CA6: variants seen among roughly 807,000 people sequenced by gnomAD.
CA6 encodes carbonic anhydrase 6.
Under a neutral mutation model 35.9 loss-of-function variants are expected in CA6, and 28 were observed. That is an observed-to-expected ratio of 0.78 (90% confidence interval 0.58 to 1.07). The LOEUF is 1.07. Among genes scored for constraint, CA6 ranks in the 50% least tolerant of loss-of-function variants. CA6 has a pLI of 0.00. For synonymous variants in CA6, 148 were observed against 152.6 expected (o/e 0.97, Z 0.22); for missense variants, 377 against 382.0 (o/e 0.99, Z 0.11).
At chr1:8,947,040 G>A (rs1009795892) in intron 1 of CA6, among the ~76,000 whole-genome samples, 2 of 151,986 alleles carry the variant, frequency 1.3e-5, no homozygotes, top group African/African-American at 2.4e-5. Flanking sequence ...CTGACCTCAA[G>A]TGATCCGCCC....
intron 4 of CA6, among the ~76,000 whole-genome samples, chr1:8,960,909 C>A (rs750506241): frequency 1.8e-4 from 28 of 151,948 alleles, no homozygotes; most frequent in Admixed American, 5.9e-4. Context: ...ATTTATCAAT[C>A]CAAGAAACTA....
chr1:8,956,040 T>C (rs1231183938), intron 2 of CA6, among the ~76,000 whole-genome samples: 2 of 151,660 alleles, frequency 1.3e-5, no homozygotes, highest in African/African-American at 2.4e-5. Flanking sequence ...CTGGCCAATA[T>C]GGTGAAACCC....
chr1:8,957,785 CAAAAAAAAA>C (rs869085886), intron 3 of CA6, among the ~76,000 whole-genome samples: 2 of 79,316 alleles, frequency 2.5e-5, no homozygotes, highest in Non-Finnish European at 5.3e-5. Flanking sequence ...CTTGTGTCTA[CAAAAAAAAA>C]AAAAAAAAAA....
intron 2 of CA6, chr1:8,951,309 A>C: frequency 1.7e-6 from 1 of 602,984 alleles, no homozygotes; most frequent in South Asian, 2.1e-5. Flanking sequence ...TGTCTGTAAA[A>C]GGACTCAGGT....
In CA6 at chr1:8,969,097, C is replaced by T. The variant is rs567589214; in HGVS notation, c.729+1281C>T. ...TTGGGACGCCAAAGCGGGTGGATCA[C>T]GAGGTCAGGGGTTCGAGACCAGCCT... On this transcript the variant is annotated intron_variant, in intron 6 of 7. Transcript: ENST00000377443. Among the ~76,000 whole-genome samples, 22 of 149,452 alleles carry T rather than the reference C, an allele frequency of 1.5e-4. No homozygotes were observed. In the South Asian group the frequency reaches 3.4e-3, roughly 23 times the overall value.
chr1:8,962,705 G>A (rs1639872227), intron 5 of CA6, 49 bp downstream of exon 5: 2 of 1,508,192 alleles, frequency 1.3e-6, no homozygotes, highest in Non-Finnish European at 9.2e-7. Context: ...ATGAGTGTGA[G>A]TGTGAGTGTG....
At chr1:8,946,135 T>C (rs1401821740) in intron 1 of CA6, among the ~76,000 whole-genome samples, 170 bp downstream of exon 1, 1 of 152,084 alleles carries the variant, frequency 6.6e-6, no homozygotes, top group Non-Finnish European at 1.5e-5. Flanking sequence ...CCTCCCGGGT[T>C]CAAGTGATTC....
rs781152423 is a variant in CA6, at chr1:8,974,219, G to T, written c.845-403G>T. The T allele has an allele frequency of 7.3e-5, 42 of 573,776 alleles. No individual in the cohort carries two copies. In the African/African-American group the frequency reaches 7.7e-4, roughly 10 times the overall value. The allele number at this position is 573,776 out of a possible 1,614,324, so 35.5% of individuals were successfully genotyped here. Reference sequence around the variant, plus strand: ...GTTCTGTAGAGAACTGTATCCCAGCGGGGTTGATATGATTAACCCACCTGC... The same window carrying T: ...GTTCTGTAGAGAACTGTATCCCAGCTGGGTTGATATGATTAACCCACCTGC... On this transcript the variant is annotated intron_variant, in intron 7 of 7. Transcript: ENST00000377443.
chr1:8,951,663 G>A (rs3765966), intron 2 of CA6: 7 of 764,554 alleles, frequency 9.2e-6, no homozygotes, highest in Non-Finnish European at 1.4e-5. Flanking sequence ...AGCGGCTCCC[G>A]CCTCCCAATT....
intron 2 of CA6, among the ~76,000 whole-genome samples, chr1:8,955,755 C>G (rs918890225): frequency 5.4e-5 from 8 of 148,176 alleles, no homozygotes; most frequent in Non-Finnish European, 1.0e-4. Context: ...CGGTGAAAAC[C>G]TTTCAGGCCG....
At position 8,957,199 on chromosome 1, in the gene CA6, C is replaced by T. The variant is rs542642311; in HGVS notation, c.322C>T (p.Gln108Ter). The T allele has an allele frequency of 2.5e-6, 4 of 1,614,104 alleles. No homozygotes were observed. The South Asian group carries it at 3.3e-5, about 13-fold the overall frequency. ...GGCTGACGGCACTGTATACATAGCC[C>T]AGCAGATGCACTTTCACTGGGGAGG... ...TVADGTVYIA[Q>*]QMHFHWGGAS... Residue 108 changes from glutamine to a stop codon, truncating the protein, a stop_gained, in exon 3 of 8, where the codon CAG (glutamine) becomes TAG (stop). Coordinates refer to ENST00000377443, the MANE Select transcript of CA6 (RefSeq NM_001215.4). LOFTEE classifies it high-confidence loss of function.
intron 6 of CA6, among the ~76,000 whole-genome samples, chr1:8,970,599 C>T (rs1207567710): frequency 6.6e-6 from 1 of 152,046 alleles, no homozygotes; most frequent in African/African-American, 2.4e-5. Flanking sequence ...GCCTCTGCCT[C>T]CCAGGTTCAA....
chr1:8,973,761 T>TTTCC (rs1557635650), intron 7 of CA6, among the ~76,000 whole-genome samples: 12 of 24,640 alleles, frequency 4.9e-4, no homozygotes, highest in African/African-American at 3.9e-3. Context: ...TCTTTCTTTC[T>TTTCC]TTCTTTCTTT....
At chr1:8,961,406 T>G (rs997218587) in intron 4 of CA6, among the ~76,000 whole-genome samples, 1 of 152,178 alleles carries the variant, frequency 6.6e-6, no homozygotes, top group African/African-American at 2.4e-5. Flanking sequence ...ATAATGCATA[T>G]GACAAAAATA....
At chr1:8,953,343 G>A (rs748909022) in intron 2 of CA6, among the ~76,000 whole-genome samples, 2 of 152,108 alleles carry the variant, frequency 1.3e-5, no homozygotes, top group Admixed American at 1.3e-4. Context: ...CCATATGCAG[G>A]CCAGGCATGG....
chr1:8,948,656 G>A (rs1235077145), intron 1 of CA6, among the ~76,000 whole-genome samples: 5 of 151,902 alleles, frequency 3.3e-5, no homozygotes, highest in South Asian at 2.1e-4. Context: ...TAAGTCAAAC[G>A]AGAGCAAAAA....
In CA6 at chr1:8,971,472, C is replaced by T. The variant is rs755805915; in HGVS notation, c.844+491C>T. ...GACTACAGGCACCTACCACCACGCC[C>T]GGCTAATTTTTTTTTTTTAACTGAA... On this transcript the variant is annotated intron_variant, in intron 7 of 7. Coordinates refer to ENST00000377443, the MANE Select transcript of CA6 (RefSeq NM_001215.4). Among the ~76,000 whole-genome samples the T allele has an allele frequency of 7.9e-5, 12 of 151,962 alleles. No individual in the cohort carries two copies. The South Asian group carries it at 2.1e-3, about 26-fold the overall frequency.
chr1:8,968,843 CCGT>C (rs1640036502), intron 6 of CA6, among the ~76,000 whole-genome samples: 1 of 150,966 alleles, frequency 6.6e-6, no homozygotes, highest in African/African-American at 2.4e-5. Flanking sequence ...TGGTGGAACC[CCGT>C]CTCTACTAAA....
intron 2 of CA6, among the ~76,000 whole-genome samples, chr1:8,953,424 G>A (rs1639591943): frequency 6.6e-6 from 1 of 152,104 alleles, no homozygotes; most frequent in African/African-American, 2.4e-5. Flanking sequence ...AGGAATTTGA[G>A]ACCAGCCTGG....
Sources: allele counts gnomAD v4.1 joint callset (sites outside exome capture counted in the v4.1 genomes callset), GRCh38; gene constraint gnomAD v4.1.1; transcripts MANE v1.5; gene names NCBI Gene and HGNC (gene_info 2026-07-23, HGNC 2026-07-21).